The following PTPN2 variants were observed in gnomAD, a reference collection of about 807,000 sequenced individuals.
PTPN2 encodes protein tyrosine phosphatase non-receptor type 2.
A neutral mutation model predicts 57.3 loss-of-function variants in PTPN2; 19 were observed. The ratio of observed to expected loss-of-function variants is 0.33; its 90% confidence interval spans 0.23 to 0.49. PTPN2 has a LOEUF of 0.49. Among genes scored for constraint, PTPN2 ranks in the 20% least tolerant of loss-of-function variants. The pLI is 0.99. For synonymous variants in PTPN2, 153 were observed against 164.9 expected, an observed-to-expected ratio of 0.93 and a Z score of 0.55; for missense variants, 358 against 501.1, an observed-to-expected ratio of 0.71 and a Z score of 2.73.
At chr18:12,812,450 T>C (rs1323391913) in intron 7 of PTPN2, among the ~76,000 whole-genome samples, 1 of 151,964 alleles carries the variant, frequency 6.6e-6, no homozygotes, top group Non-Finnish European at 1.5e-5. Flanking sequence ...AAATGCAAAA[T>C]TAGCCAGGAG....
At chr18:12,805,062 A>T (rs533267315) in intron 7 of PTPN2, among the ~76,000 whole-genome samples, 67 of 152,364 alleles carry the variant, frequency 4.4e-4, no homozygotes, top group African/African-American at 1.5e-3. Context: ...AGGATGGTTC[A>T]ACATATGTAA....
chr18:12,840,982 A>G, intron 2 of PTPN2: 2 of 1,436,574 alleles, frequency 1.4e-6, no homozygotes, highest in Non-Finnish European at 1.8e-6. Flanking sequence ...ATCATACACA[A>G]TTTTTAGTCA....
intron 1 of PTPN2, 116 bp downstream of exon 1, chr18:12,883,957 G>GC (rs1568184811): frequency 2.3e-6 from 2 of 854,512 alleles, no homozygotes; most frequent in East Asian, 3.5e-5. Context: ...CGCCACTTCC[G>GC]CCCCGAGCGA....
chr18:12,794,901 G>A (rs2041112215), intron 8 of PTPN2, among the ~76,000 whole-genome samples: 1 of 152,182 alleles, frequency 6.6e-6, no homozygotes, highest in Non-Finnish European at 1.5e-5. Context: ...GAGATTACAG[G>A]TGTGAGCCAC....
intron 1 of PTPN2, among the ~76,000 whole-genome samples, chr18:12,860,607 C>CA (rs949703840): frequency 6.6e-6 from 1 of 151,522 alleles, no homozygotes; most frequent in Non-Finnish European, 1.5e-5. Flanking sequence ...CAAAACAAAA[C>CA]AAAAATTAGC....
intron 8 of PTPN2, among the ~76,000 whole-genome samples, chr18:12,796,566 G>A (rs950645972): frequency 6.6e-6 from 1 of 152,166 alleles, no homozygotes; most frequent in African/African-American, 2.4e-5. Context: ...ACAGAAAACA[G>A]TTTGACAGCT....
At chr18:12,868,031 G>A (rs1049923287) in intron 1 of PTPN2, among the ~76,000 whole-genome samples, 9 of 152,140 alleles carry the variant, frequency 5.9e-5, no homozygotes, top group African/African-American at 1.4e-4. Context: ...CTGTGTGGCC[G>A]CTTACACTGT....
intron 4 of PTPN2, among the ~76,000 whole-genome samples, chr18:12,828,962 A>G (rs2042572969): frequency 6.6e-6 from 1 of 152,110 alleles, no homozygotes; most frequent in South Asian, 2.1e-4. Flanking sequence ...CAGTGGCACG[A>G]CCATAGCTAA....
chr18:12,799,419 G>GA (rs1194686805), intron 8 of PTPN2, among the ~76,000 whole-genome samples: 82 of 137,470 alleles, frequency 6.0e-4, no homozygotes, highest in East Asian at 2.7e-3. Context: ...TCCGTCTCAG[G>GA]AAAAAAAAAA....
rs112034536 is a variant in PTPN2 at position 12,864,800 on chromosome 18, T to C, written c.70-5546A>G. Among the ~76,000 whole-genome samples the C allele has an allele frequency of 1.1e-3, 163 of 152,338 alleles. 1 individual carries two copies. The highest frequency in any genetic ancestry group is 6.4e-3 in the South Asian group (31 of 4,830). On this transcript the variant is annotated intron_variant, in intron 1 of 8. Coordinates refer to ENST00000309660, the MANE Select transcript of PTPN2 (RefSeq NM_002828.4). The stretch of plus-strand genomic sequence containing the variant: ...CCCTCTTGAAATTTGCTTTGAGATA[T>C]ATATGCATGGCTTAAAATAAGGAAC...
At chr18:12,874,726 G>C (rs2145530937) in intron 1 of PTPN2, among the ~76,000 whole-genome samples, 1 of 151,784 alleles carries the variant, frequency 6.6e-6, no homozygotes, top group Middle Eastern at 3.4e-3. Context: ...CACCCGGGAG[G>C]TGAGGGGCGC....
Position 12,876,605 on chromosome 18 carries a change from T to C in PTPN2, c.69+7468A>G, listed in dbSNP as rs118066739. On this transcript the variant is annotated intron_variant, in intron 1 of 8. Coordinates refer to ENST00000309660, the MANE Select transcript of PTPN2 (RefSeq NM_002828.4). ...TAAACACATGTCAAAGGCAAAACAA[T>C]ATGATTTCTAGGTATACATTCCCCA... Among the ~76,000 whole-genome samples, 1,095 of 152,302 alleles carry C rather than the reference T, an allele frequency of 7.2e-3. 3 individuals are homozygous for C. Among genetic ancestry groups the C allele is most frequent in the Non-Finnish European group, 0.01 (706 of 68,026 alleles).
intron 8 of PTPN2, among the ~76,000 whole-genome samples, chr18:12,795,627 C>A (rs1937812412): frequency 6.6e-6 from 1 of 152,144 alleles, no homozygotes; most frequent in South Asian, 2.1e-4. Flanking sequence ...AGGTCTCTGA[C>A]TCTCAAGATA....
intron 1 of PTPN2, among the ~76,000 whole-genome samples, chr18:12,860,774 G>C (rs527399382): frequency 1.6e-4 from 21 of 129,928 alleles, no homozygotes; most frequent in African/African-American, 5.5e-4. Context: ...CGGGTTCTCT[G>C]CATTTCAACA....
At chr18:12,841,014 G>A in intron 2 of PTPN2, 4 of 1,383,246 alleles carry the variant, frequency 2.9e-6, no homozygotes, top group South Asian at 1.6e-5. Context: ...TTAACCTATA[G>A]GGATCTAAAG....
intron 1 of PTPN2, among the ~76,000 whole-genome samples, chr18:12,859,712 G>C (rs1339878909): frequency 6.6e-6 from 1 of 152,058 alleles, no homozygotes; most frequent in Non-Finnish European, 1.5e-5. Flanking sequence ...CTAAATTTTG[G>C]AGTTTCTACC....
intron 2 of PTPN2, among the ~76,000 whole-genome samples, chr18:12,847,440 A>T (rs2043248951): frequency 6.6e-6 from 1 of 152,176 alleles, no homozygotes; most frequent in African/African-American, 2.4e-5. Context: ...AGGTATCTAA[A>T]GTCAGCTATC....
intron 1 of PTPN2, among the ~76,000 whole-genome samples, chr18:12,859,736 T>G (rs2043725474): frequency 1.3e-5 from 2 of 152,244 alleles, no homozygotes; most frequent in African/African-American, 4.8e-5. Flanking sequence ...AAATATTTAT[T>G]TCTTCATGTT....
intron 2 of PTPN2, among the ~76,000 whole-genome samples, chr18:12,840,409 A>G (rs2043004805): frequency 6.6e-6 from 1 of 152,248 alleles, no homozygotes; most frequent in Non-Finnish European, 1.5e-5. Flanking sequence ...TACAAACTTT[A>G]GTACACATAG....
Sources: allele counts gnomAD v4.1 joint callset (sites outside exome capture counted in the v4.1 genomes callset), GRCh38; gene constraint gnomAD v4.1.1; transcripts MANE v1.5; gene names NCBI Gene and HGNC (gene_info 2026-07-23, HGNC 2026-07-21).